Variants in CSNK2A2IP observed in about 807,000 individuals in gnomAD.
CSNK2A2IP encodes casein kinase II subunit alpha'-interacting protein.
At chr3:88,433,647 A>T in the CSNK2A2IP span, among the ~76,000 whole-genome samples, 24 of 152,326 alleles carry the variant, frequency 1.6e-4, no homozygotes, top group South Asian at 4.1e-3. Flanking sequence ...AGGCAGCAGA[A>T]CTAGAATTGG....
the CSNK2A2IP span, among the ~76,000 whole-genome samples, chr3:88,388,301 C>G: frequency 6.6e-6 from 1 of 152,134 alleles, no homozygotes; most frequent in African/African-American, 2.4e-5. Flanking sequence ...TATAACTCTT[C>G]TAGTCATTTT....
At chr3:88,410,328 T>C in the CSNK2A2IP span, among the ~76,000 whole-genome samples, 1 of 152,062 alleles carries the variant, frequency 6.6e-6, no homozygotes, top group African/African-American at 2.4e-5. Context: ...TAGCTATTCA[T>C]AGAAAGAGTC....
chr3:88,411,517 G>C, the CSNK2A2IP span, among the ~76,000 whole-genome samples: 8 of 151,874 alleles, frequency 5.3e-5, no homozygotes, highest in African/African-American at 1.9e-4. Flanking sequence ...GTATTTTAAA[G>C]ATTCTCACCT....
chr3:88,366,351 G>C, the CSNK2A2IP span, among the ~76,000 whole-genome samples: 1 of 152,132 alleles, frequency 6.6e-6, no homozygotes, highest in Non-Finnish European at 1.5e-5. Flanking sequence ...TTGTCATCAT[G>C]TTCTGGAGTG....
chr3:88,423,544 G>C, the CSNK2A2IP span, among the ~76,000 whole-genome samples: 2 of 152,094 alleles, frequency 1.3e-5, no homozygotes, highest in African/African-American at 4.8e-5. Context: ...AAGCAGAACA[G>C]GTCCTTGTAG....
the CSNK2A2IP span, among the ~76,000 whole-genome samples, chr3:88,440,434 G>C: frequency 1.3e-5 from 2 of 152,124 alleles, no homozygotes; most frequent in Admixed American, 6.6e-5. Flanking sequence ...TGTGGGAAAG[G>C]CTTTGGAAGT....
the CSNK2A2IP span, among the ~76,000 whole-genome samples, chr3:88,369,672 A>G: frequency 6.6e-6 from 1 of 152,042 alleles, no homozygotes; most frequent in African/African-American, 2.4e-5. Context: ...CAAAGCAGGG[A>G]GAGAGTAGAG....
chr3:88,450,851 C>T, the CSNK2A2IP span, among the ~76,000 whole-genome samples: 1 of 152,038 alleles, frequency 6.6e-6, no homozygotes, highest in South Asian at 2.1e-4. Context: ...GATTTCATTT[C>T]CTCTGGGTTT....
the CSNK2A2IP span, among the ~76,000 whole-genome samples, chr3:88,384,343 C>T: frequency 6.7e-6 from 1 of 148,758 alleles, no homozygotes; most frequent in East Asian, 2.0e-4. Flanking sequence ...CTCTCTCTCT[C>T]CTTTCTTTTT....
the CSNK2A2IP span, among the ~76,000 whole-genome samples, chr3:88,407,802 C>T: frequency 1.3e-5 from 2 of 152,046 alleles, no homozygotes; most frequent in Non-Finnish European, 2.9e-5. Flanking sequence ...CGGCTCACTG[C>T]AACCTCCGCC....
the CSNK2A2IP span, among the ~76,000 whole-genome samples, chr3:88,462,959 A>G: frequency 1.3e-5 from 2 of 152,228 alleles, no homozygotes; most frequent in South Asian, 2.1e-4. Context: ...AGAATGATGT[A>G]AGGCTTGAAA....
chr3:88,462,368 C>T, the CSNK2A2IP span, among the ~76,000 whole-genome samples: 4 of 152,010 alleles, frequency 2.6e-5, no homozygotes, highest in Admixed American at 6.6e-5. Flanking sequence ...TTCCCTCACC[C>T]CAGGTCCAAC....
At chr3:88,415,733 T>A in the CSNK2A2IP span, among the ~76,000 whole-genome samples, 1 of 152,142 alleles carries the variant, frequency 6.6e-6, no homozygotes, top group Non-Finnish European at 1.5e-5. Flanking sequence ...AAAGTCCATC[T>A]AACTTCAAGA....
At chr3:88,384,557 G>A in the CSNK2A2IP span, among the ~76,000 whole-genome samples, 4 of 152,190 alleles carry the variant, frequency 2.6e-5, no homozygotes, top group East Asian at 7.7e-4. Flanking sequence ...GTGCATTACG[G>A]TATGAAAAGA....
At chr3:88,439,844 A>G in the CSNK2A2IP span, among the ~76,000 whole-genome samples, 1 of 152,130 alleles carries the variant, frequency 6.6e-6, no homozygotes, top group Non-Finnish European at 1.5e-5. Context: ...ACGAGGAGAA[A>G]AAGTTCTAAA....
At chr3:88,386,158 C>G in the CSNK2A2IP span, among the ~76,000 whole-genome samples, 15 of 151,718 alleles carry the variant, frequency 9.9e-5, no homozygotes, top group South Asian at 2.9e-3. Flanking sequence ...GAGTTTCACT[C>G]TTATTGCCCA....
At chr3:88,462,390 A>G in the CSNK2A2IP span, among the ~76,000 whole-genome samples, 1 of 152,114 alleles carries the variant, frequency 6.6e-6, no homozygotes, top group South Asian at 2.1e-4. Context: ...AGCATGAGAA[A>G]CCTCAGTGTT....
the CSNK2A2IP span, among the ~76,000 whole-genome samples, chr3:88,446,704 A>G: frequency 2.6e-5 from 4 of 152,192 alleles, no homozygotes; most frequent in Non-Finnish European, 5.9e-5. Flanking sequence ...AGGTCACGCC[A>G]CTTATGAGAT....
At chr3:88,467,220 C>A in the CSNK2A2IP span, 1 of 398,144 alleles carries the variant, frequency 2.5e-6, no homozygotes, top group African/African-American at 2.1e-5. Context: ...CCTCCTCCTC[C>A]ACCACCTCCT....
Sources: gnomAD v4.1 joint callset for allele counts (sites outside exome capture counted in the v4.1 genomes callset) on GRCh38, gnomAD v4.1.1 for gene constraint, MANE v1.5 for transcripts, NCBI Gene and HGNC (gene_info 2026-07-23, HGNC 2026-07-21) for gene names.